The following CDRT15 variants were observed in gnomAD, a reference collection of about 807,000 sequenced individuals.
CDRT15 encodes CMT1A duplicated region transcript 15, also known as CMT1A duplicated region transcript 15 protein.
Under a neutral mutation model 14.9 loss-of-function variants are expected in CDRT15, and 9 were observed. The observed-to-expected ratio is 0.60, with a 90% CI of 0.36 to 1.06. The LOEUF (loss-of-function observed/expected upper bound fraction) is 1.06. CDRT15 is among the 50% of genes least tolerant of loss of function. The pLI is 0.01. For synonymous variants in CDRT15, 50 were observed against 96.6 expected, an observed-to-expected ratio of 0.52 and a Z score of 2.83; for missense variants, 117 against 235.3, an observed-to-expected ratio of 0.50 and a Z score of 3.29.
Position 14,235,681 on chromosome 17 carries a change from C to T in CDRT15, c.*175G>A, listed in dbSNP as rs554847980. 1 of 632,900 alleles carries T rather than the reference C, an allele frequency of 1.6e-6. No homozygotes were observed. Among genetic ancestry groups the T allele is most frequent in the African/African-American group, 1.8e-5 (1 of 54,272 alleles). 39.2% of individuals were successfully genotyped at this position (632,900 alleles called of 1,614,324 possible). A position where few individuals can be genotyped will look rare whatever the true frequency, so the allele number is the denominator to read the frequency against. ...GGGAGTTCAAAAAGGCATGAAGTTT[C>T]AGAAATCAAACTTTATTGTAATCTC... On this transcript the variant is annotated 3_prime_UTR_variant, in exon 3 of 3. Coordinates refer to ENST00000420162, the MANE Select transcript of CDRT15 (RefSeq NM_001007530.3).
rs376841824 is a variant in CDRT15 at position 14,236,727 on chromosome 17, C to A, written c.107G>T (p.Arg36Leu). 19 of 1,611,936 alleles carry A rather than the reference C, an allele frequency of 1.2e-5. No individual in the cohort carries two copies. The highest frequency in any genetic ancestry group is 1.6e-5 in the Non-Finnish European group (19 of 1,179,780). Residue 36 changes from arginine (R) to leucine (L), a missense_variant, in exon 1 of 3, where the codon CGC becomes CTC. By Grantham distance (102) the Arg-to-Leu change is moderately radical. Around this residue, in one of 3 missense-constraint regions of CDRT15, gnomAD observed 50 missense variants for 48.8 expected, o/e 1.03. Coordinates refer to ENST00000420162, the MANE Select transcript of CDRT15 (RefSeq NM_001007530.3). ...GCGCCTTATTACAACGGGCGACAGGCGTCTGGGGTGAGGGATGAGCCTTCT... is the reference window on the plus strand; with the variant it reads ...GCGCCTTATTACAACGGGCGACAGGAGTCTGGGGTGAGGGATGAGCCTTCT... ...CRRRLIPHPR[R>L]LSPVVIRRIQ...
At chr17:14,236,036 G>A in intron 2 of CDRT15, 25 bp from the exon 3 acceptor site, 1 of 1,606,896 alleles carries the variant, frequency 6.2e-7, no homozygotes, top group Non-Finnish European at 8.5e-7. Flanking sequence ...ACCAGGATCA[G>A]GAGAATAAAC....
At position 14,236,551 on chromosome 17, in the gene CDRT15, C is replaced by T. The variant is rs747930242; in HGVS notation, c.262+21G>A. ...AAAATCACCGCCCCCGCAAAGTCTT[C>T]CAGGCTGCAGGCCACCTCACCAAGT... On this transcript the variant is annotated intron_variant, in intron 1 of 2. Transcript: ENST00000420162. 4.5e-6 allele frequency: 7 copies of T among 1,565,824 alleles called. No individual in the cohort carries two copies. In the South Asian group the frequency reaches 7.0e-5, roughly 16 times the overall value.
In CDRT15 at chr17:14,236,754, C is replaced by G. The variant is rs368683349; in HGVS notation, c.80G>C (p.Arg27Pro). 1.2e-6 allele frequency: 2 copies of G among 1,611,964 alleles called. No homozygotes were observed. The highest frequency in any genetic ancestry group is 1.7e-6 in the Non-Finnish European group (2 of 1,179,770). The change falls in exon 1 of 3, where the codon CGA becomes CCA. Residue 27 changes from arginine (R) to proline (P), a missense_variant. Coordinates refer to ENST00000420162, the MANE Select transcript of CDRT15 (RefSeq NM_001007530.3). Reference sequence around the variant, plus strand: ...TCTGGGGTGAGGGATGAGCCTTCTTCGGCATCGTCGGAAAAGGCTCTCACT... The same window carrying G: ...TCTGGGGTGAGGGATGAGCCTTCTTGGGCATCGTCGGAAAAGGCTCTCACT... The part of the protein sequence containing the change: ...GGSESLFRRC[R>P]RRLIPHPRRL...
rs371118367 is a variant in CDRT15 at position 14,236,323 on chromosome 17, G to C, written c.370C>G (p.Pro124Ala). The C allele has an allele frequency of 1.3e-5, 21 of 1,612,100 alleles. No individual in the cohort carries two copies. Among genetic ancestry groups the C allele is most frequent in the Non-Finnish European group, 1.7e-5 (20 of 1,179,638 alleles). ...PERALELEGA[P>A]AKDQTNEELP... Reference sequence around the variant, plus strand: ...TCCTCGTTGGTCTGGTCCTTGGCTGGAGCTCCCTCCAGCTCCAGTGCTCTC... The same window carrying C: ...TCCTCGTTGGTCTGGTCCTTGGCTGCAGCTCCCTCCAGCTCCAGTGCTCTC... Residue 124 changes from proline (P) to alanine (A), a missense_variant, in exon 2 of 3, where the codon CCA (proline) becomes GCA (alanine). Physicochemically the swap from Pro to Ala is conservative, Grantham distance 27. Around this residue, in one of 3 missense-constraint regions of CDRT15, gnomAD observed 61 missense variants for 138.2 expected, o/e 0.44. Coordinates refer to ENST00000420162, the MANE Select transcript of CDRT15 (RefSeq NM_001007530.3).
At position 14,236,691 on chromosome 17, in the gene CDRT15, G is replaced by A. The variant is rs775067277; in HGVS notation, c.143C>T (p.Pro48Leu). 5.0e-6 allele frequency: 8 copies of A among 1,611,658 alleles called. No individual in the cohort carries two copies. The Admixed American group carries it at 1.3e-4, about 27-fold the overall frequency. Reference sequence around the variant, plus strand: ...TAGGGCCTGCCCCAGGCTGTCCTGTGGTACCTGGATGCGCCTTATTACAAC... The same window carrying A: ...TAGGGCCTGCCCCAGGCTGTCCTGTAGTACCTGGATGCGCCTTATTACAAC... ...SPVVIRRIQV[P>L]QDSLGQALAG... is the part of the protein sequence containing the mutation. The change falls in exon 1 of 3, where the codon CCA becomes CTA. Residue 48 changes from proline (P) to leucine (L), a missense_variant. By Grantham distance (98) the Pro-to-Leu change is moderately conservative. Transcript: ENST00000420162.
rs754073662 is a variant in CDRT15, at chr17:14,236,805, C to T, written c.29G>A (p.Arg10Lys). 2.7e-5 allele frequency: 44 copies of T among 1,611,440 alleles called. No homozygotes were observed. The highest frequency in any genetic ancestry group is 3.7e-5 in the Non-Finnish European group (44 of 1,179,502). ...CCCTCCATTCCTGAAGCAGCAACCT[C>T]TCGAAGTGGGGAAGCAACACGAGAA... The part of the protein sequence containing the change: MFSCCFPTS[R>K]GCCFRNGGSE... The change falls in exon 1 of 3, where the codon AGA becomes AAA. Residue 10 changes from arginine to lysine, a missense_variant. Arg to Lys is a conservative substitution (Grantham distance 26, BLOSUM62 2). Coordinates refer to ENST00000420162, the MANE Select transcript of CDRT15 (RefSeq NM_001007530.3).
At position 14,236,567 on chromosome 17, in the gene CDRT15, C is replaced by G; in HGVS notation, c.262+5G>C. 2 of 1,532,568 alleles carry G rather than the reference C, an allele frequency of 1.3e-6. No homozygotes were observed. The highest frequency in any genetic ancestry group is 1.8e-6 in the Non-Finnish European group (2 of 1,138,286). 94.9% of individuals were successfully genotyped at this position (1,532,568 alleles called of 1,614,324 possible). ...CAAAGTCTTCCAGGCTGCAGGCCAC[C>G]TCACCAAGTGTCTGTGCCTCAATGA... is the stretch of plus-strand genomic sequence containing the variant. On this transcript the variant is annotated splice_donor_5th_base_variant and intron_variant, in intron 1 of 2. Coordinates refer to ENST00000420162, the MANE Select transcript of CDRT15 (RefSeq NM_001007530.3).
Position 14,235,841 on chromosome 17 carries a change from C to T in CDRT15, c.*15G>A. On this transcript the variant is annotated 3_prime_UTR_variant, in exon 3 of 3. Coordinates refer to ENST00000420162, the MANE Select transcript of CDRT15 (RefSeq NM_001007530.3). ...TTGGAGCCACCTCCTGGTCCCCTCACCCACTGCCCGCCTGTTAAGGGCCTG... is the reference window on the plus strand; with the variant it reads ...TTGGAGCCACCTCCTGGTCCCCTCATCCACTGCCCGCCTGTTAAGGGCCTG... The T allele has an allele frequency of 1.9e-6, 3 of 1,555,670 alleles. No individual in the cohort carries two copies. In the South Asian group the frequency reaches 3.5e-5, roughly 18 times the overall value.
chr17:14,236,063 G>A (rs1432384313), intron 2 of CDRT15, 52 bp from the exon 3 acceptor site: 7 of 1,587,686 alleles, frequency 4.4e-6, no homozygotes, highest in Admixed American at 3.6e-5. Flanking sequence ...GCAGCAGCAG[G>A]ACTGTGGTTC....
In CDRT15 at chr17:14,236,282, C is replaced by T. The variant is rs377339293; in HGVS notation, c.411G>A (p.Thr137=). ...DQTNEELPEI[T]EVPESIKRRL... is the part of the protein sequence containing the mutation. ...TAGGGCTAGTGGCTACAGTACGTGC[C>T]GTGATTTCAGGCAGCTCCTCGTTGG... The change falls in exon 2 of 3, where the codon ACG becomes ACA. Residue 137 remains threonine (T), a splice_region_variant and synonymous_variant. Transcript: ENST00000420162. 4.0e-5 allele frequency: 64 copies of T among 1,611,926 alleles called. No individual in the cohort carries two copies. Among genetic ancestry groups the T allele is most frequent in the African/African-American group, 3.1e-4 (23 of 75,002 alleles).
Position 14,235,677 on chromosome 17 carries a change from G to GTT in CDRT15, c.*177_*178dup, listed in dbSNP as rs1907347581. The GTT allele has an allele frequency of 1.6e-6, 1 of 620,524 alleles. No individual in the cohort carries two copies. Among genetic ancestry groups the GTT allele is most frequent in the African/African-American group, 1.9e-5 (1 of 53,900 alleles). 38.4% of individuals were successfully genotyped at this position (620,524 alleles called of 1,614,324 possible). ...ATTAGGGAGTTCAAAAAGGCATGAA[G>GTT]TTTCAGAAATCAAACTTTATTGTAA... On this transcript the variant is annotated 3_prime_UTR_variant, in exon 3 of 3. Transcript: ENST00000420162.
rs140717101 is a variant in CDRT15 at position 14,236,756 on chromosome 17, G to T, written c.78C>A (p.Cys26Ter). ...TGGGGTGAGGGATGAGCCTTCTTCG[G>T]CATCGTCGGAAAAGGCTCTCACTCC... ...NGGSESLFRR[C>*]RRRLIPHPRR... The change falls in exon 1 of 3, where the codon TGC becomes TGA. Residue 26 changes from cysteine to a stop codon, truncating the protein, a stop_gained. Coordinates refer to ENST00000420162, the MANE Select transcript of CDRT15 (RefSeq NM_001007530.3). LOFTEE classifies it high-confidence loss of function. 8.1e-6 allele frequency: 13 copies of T among 1,611,920 alleles called. No homozygotes were observed. The highest frequency in any genetic ancestry group is 1.1e-5 in the Non-Finnish European group (13 of 1,179,822).
In CDRT15 at chr17:14,236,754, C is replaced by A; in HGVS notation, c.80G>T (p.Arg27Leu). Residue 27 changes from arginine (R) to leucine (L), a missense_variant, in exon 1 of 3, where the codon CGA (arginine) becomes CTA (leucine). Around this residue, in one of 3 missense-constraint regions of CDRT15, gnomAD observed 50 missense variants for 48.8 expected, o/e 1.03. Coordinates refer to ENST00000420162, the MANE Select transcript of CDRT15 (RefSeq NM_001007530.3). Reference protein sequence around the residue: ...GGSESLFRRCRRRLIPHPRRL... With the variant: ...GGSESLFRRCLRRLIPHPRRL... ...TCTGGGGTGAGGGATGAGCCTTCTTCGGCATCGTCGGAAAAGGCTCTCACT... is the reference window on the plus strand; with the variant it reads ...TCTGGGGTGAGGGATGAGCCTTCTTAGGCATCGTCGGAAAAGGCTCTCACT... 6.2e-7 allele frequency: 1 copy of A among 1,611,966 alleles called. No homozygotes were observed. The highest frequency in any genetic ancestry group is 2.2e-5 in the East Asian group (1 of 44,876).
chr17:14,235,992 T>C lies in CDRT15; in HGVS notation c.431A>G (p.Lys144Arg). The change falls in exon 3 of 3, where the codon AAA (lysine) becomes AGA (arginine). Residue 144 changes from lysine to arginine, a missense_variant. By Grantham distance (26) the Lys-to-Arg change is conservative. This residue lies in a region of CDRT15 where 61 missense variants were observed against 138.2 expected (regional missense o/e 0.44). Transcript: ENST00000420162. ...TGGAACTCTTCTTCCCAGCCTTCTT[T>C]TAATGCTCTCCGGCACCTCCTGCAC... ...PEITEVPESI[K>R]RRLGRRVPAA... The C allele has an allele frequency of 6.2e-7, 1 of 1,611,662 alleles. No individual in the cohort carries two copies. Among genetic ancestry groups the C allele is most frequent in the Non-Finnish European group, 8.5e-7 (1 of 1,178,944 alleles).
At position 14,236,605 on chromosome 17, in the gene CDRT15, C is replaced by T; in HGVS notation, c.229G>A (p.Glu77Lys). The T allele has an allele frequency of 6.6e-7, 1 of 1,514,068 alleles. No homozygotes were observed. The allele number at this position is 1,514,068 out of a possible 1,614,324, so 93.8% of individuals were successfully genotyped here. ...TGTGCCTCAATGAGCTCCTGAATCTCCTGGACAAGGACAGTGTGCAGCTGC... is the reference window on the plus strand; with the variant it reads ...TGTGCCTCAATGAGCTCCTGAATCTTCTGGACAAGGACAGTGTGCAGCTGC... ...GLQLHTVLVQ[E>K]IQELIEAQTL... The change falls in exon 1 of 3, where the codon GAG (glutamate) becomes AAG (lysine). Residue 77 changes from glutamate to lysine, a missense_variant. Glu to Lys is a moderately conservative substitution (Grantham distance 56). Coordinates refer to ENST00000420162, the MANE Select transcript of CDRT15 (RefSeq NM_001007530.3).
rs1173235478 is a variant in CDRT15 at position 14,235,762 on chromosome 17, A to G, written c.*94T>C. 1 of 1,001,176 alleles carries G rather than the reference A, an allele frequency of 1.0e-6. No individual in the cohort carries two copies. The highest frequency in any genetic ancestry group is 2.6e-5 in the Admixed American group (1 of 38,878). 62.0% of individuals were successfully genotyped at this position (1,001,176 alleles called of 1,614,324 possible). A position where few individuals can be genotyped will look rare whatever the true frequency, so the allele number is the denominator to read the frequency against. ...AATAAATGGTAGGGCAGGTGGTGGC[A>G]TGGAGAGCCTGGGGCACAACGGCTG... On this transcript the variant is annotated 3_prime_UTR_variant, in exon 3 of 3. Transcript: ENST00000420162.
Position 14,236,751 on chromosome 17 carries a change from C to T in CDRT15, c.83G>A (p.Arg28Lys). 6.2e-7 allele frequency: 1 copy of T among 1,612,082 alleles called. No individual in the cohort carries two copies. Among genetic ancestry groups the T allele is most frequent in the Non-Finnish European group, 8.5e-7 (1 of 1,179,812 alleles). Residue 28 changes from arginine (R) to lysine (K), a missense_variant, in exon 1 of 3, where the codon AGA (arginine) becomes AAA (lysine). Coordinates refer to ENST00000420162, the MANE Select transcript of CDRT15 (RefSeq NM_001007530.3). ...GSESLFRRCR[R>K]RLIPHPRRLS... is the part of the protein sequence containing the mutation. ...GCGTCTGGGGTGAGGGATGAGCCTT[C>T]TTCGGCATCGTCGGAAAAGGCTCTC...
rs1411841476 is a variant in CDRT15, at chr17:14,236,559, C to G, written c.262+13G>C. On this transcript the variant is annotated intron_variant, in intron 1 of 2. Coordinates refer to ENST00000420162, the MANE Select transcript of CDRT15 (RefSeq NM_001007530.3). ...CGCCCCCGCAAAGTCTTCCAGGCTG[C>G]AGGCCACCTCACCAAGTGTCTGTGC... 1.3e-6 allele frequency: 2 copies of G among 1,553,608 alleles called. No individual in the cohort carries two copies. The highest frequency in any genetic ancestry group is 1.7e-6 in the Non-Finnish European group (2 of 1,147,694).
Sources: allele counts gnomAD v4.1 joint callset, GRCh38; gene constraint gnomAD v4.1.1; regional missense constraint gnomAD v4.1.1; transcripts MANE v1.5; gene names NCBI Gene and HGNC (gene_info 2026-07-23, HGNC 2026-07-21).